The following CFAP206 variants were observed in gnomAD, a reference collection of about 807,000 sequenced individuals.
CFAP206 encodes cilia and flagella associated protein 206.
Under a neutral mutation model 65.4 loss-of-function variants are expected in CFAP206, and 53 were observed. The ratio of observed to expected loss-of-function variants is 0.81; its 90% CI spans 0.65 to 1.02. The LOEUF is 1.02. Among genes scored for constraint, CFAP206 ranks in the 50% least tolerant of loss-of-function variants. CFAP206 has a pLI of 0.00. For missense variants in CFAP206, 663 were observed against 753.2 expected, an observed-to-expected ratio of 0.88 and a Z score of 1.40; for synonymous variants, 250 against 254.4, an observed-to-expected ratio of 0.98 and a Z score of 0.17.
chr6:87,428,488 ACTGT>A (rs1181342799), intron 8 of CFAP206, 134 bp from the exon 9 acceptor site: 4 of 688,468 alleles, frequency 5.8e-6, no homozygotes, highest in Middle Eastern at 3.6e-4. Context: ...TCTAAAGTCT[ACTGT>A]CTAAGTTCGT....
intron 8 of CFAP206, among the ~76,000 whole-genome samples, chr6:87,427,419 A>G (rs1165618131): frequency 6.6e-6 from 1 of 152,196 alleles, no homozygotes; most frequent in African/African-American, 2.4e-5. Context: ...GATTACAGGC[A>G]TGAGCCACTG....
intron 9 of CFAP206, 25 bp from the exon 10 acceptor site, chr6:87,431,008 C>A: frequency 6.2e-7 from 1 of 1,607,948 alleles, no homozygotes; most frequent in Non-Finnish European, 8.5e-7. Flanking sequence ...TGAATTAAAG[C>A]TTTTCTTCTT....
intron 8 of CFAP206, among the ~76,000 whole-genome samples, chr6:87,427,129 A>ATTTT (rs1372342017): frequency 3.3e-5 from 5 of 152,100 alleles, no homozygotes; most frequent in Admixed American, 2.0e-4. Flanking sequence ...GTGCAGTATT[A>ATTTT]TTTTTATTTA....
intron 10 of CFAP206, among the ~76,000 whole-genome samples, chr6:87,432,248 G>T (rs1292306988): frequency 6.6e-6 from 1 of 151,974 alleles, no homozygotes; most frequent in Non-Finnish European, 1.5e-5. Flanking sequence ...AGGCTAGAGA[G>T]AACACACAAT....
At chr6:87,418,504 A>C in intron 7 of CFAP206, 88 bp downstream of exon 7, 2 of 1,152,250 alleles carry the variant, frequency 1.7e-6, no homozygotes, top group Non-Finnish European at 1.3e-6. Flanking sequence ...GTCACTAATT[A>C]AGGAGAAAAC....
intron 7 of CFAP206, among the ~76,000 whole-genome samples, chr6:87,422,471 G>T (rs867840600): frequency 3.2e-3 from 459 of 144,048 alleles, no homozygotes; most frequent in African/African-American, 0.011. Flanking sequence ...AAAAAAAAAG[G>T]CCGGGTGCGG....
rs139988114 is a variant in CFAP206, at chr6:87,429,179, A to G, written c.1159+355A>G. ...GGGTCAGAGGTTGCAGTGAGCCAAG[A>G]TTGTGCCATTGCACTCTAGCCTGGG... On this transcript the variant is annotated intron_variant, in intron 9 of 12. Transcript: ENST00000369562. 3.0e-3 allele frequency among the ~76,000 whole-genome samples: 451 copies of G among 151,402 alleles called. 2 individuals are homozygous for G. Among genetic ancestry groups the G allele is most frequent in the African/African-American group, 0.011 (436 of 41,268 alleles).
At chr6:87,412,079 T>TC (rs1767744279) in intron 3 of CFAP206, among the ~76,000 whole-genome samples, 1 of 152,040 alleles carries the variant, frequency 6.6e-6, no homozygotes, top group Admixed American at 6.6e-5. Context: ...AGTTTTCCAT[T>TC]CCCCCCAATT....
At position 87,413,860 on chromosome 6, in the gene CFAP206, T is replaced by G; in HGVS notation, c.243T>G (p.Ile81Met). The G allele has an allele frequency of 6.4e-7, 1 of 1,559,506 alleles. No homozygotes were observed. Among genetic ancestry groups the G allele is most frequent in the Non-Finnish European group, 8.6e-7 (1 of 1,161,066 alleles). ...LDTKNPSLDT[I>M]KMQVYFDMNY... Reference sequence around the variant, plus strand: ...CTAAAAATCCATCCCTGGACACTATTAAGATGCAAGTCTACTTCGATATGA... The same window carrying G: ...CTAAAAATCCATCCCTGGACACTATGAAGATGCAAGTCTACTTCGATATGA... Residue 81 changes from isoleucine (I) to methionine (M), a missense_variant, in exon 4 of 13, where the codon ATT becomes ATG. Ile to Met is a conservative substitution (Grantham distance 10). Transcript: ENST00000369562.
chr6:87,463,033 G>A (rs1222117122), intron 12 of CFAP206, among the ~76,000 whole-genome samples: 1 of 152,222 alleles, frequency 6.6e-6, no homozygotes, highest in African/African-American at 2.4e-5. Context: ...GAGGTGGACT[G>A]GGGGTAGGAT....
At chr6:87,462,082 G>A (rs1768759333) in intron 12 of CFAP206, among the ~76,000 whole-genome samples, 1 of 152,194 alleles carries the variant, frequency 6.6e-6, no homozygotes, top group South Asian at 2.1e-4. Flanking sequence ...GCCAAAAAAT[G>A]GAGAAGTTGG....
intron 7 of CFAP206, among the ~76,000 whole-genome samples, chr6:87,420,417 C>T (rs1315012696): frequency 6.6e-6 from 1 of 152,198 alleles, no homozygotes; most frequent in African/African-American, 2.4e-5. Context: ...CATTGGCGTT[C>T]TACTTCTCAC....
Position 87,461,084 on chromosome 6 carries a change from G to A in CFAP206, c.1557G>A (p.Thr519=), listed in dbSNP as rs149608815. 3,120 of 1,593,554 alleles carry A rather than the reference G, an allele frequency of 2.0e-3. 2 individuals are homozygous for A. The highest frequency in any genetic ancestry group is 2.2e-3 in the Non-Finnish European group (2,543 of 1,172,838). The change falls in exon 12 of 13, where the codon ACG becomes ACA. Residue 519 remains threonine (T), a synonymous_variant. Transcript: ENST00000369562. ...CAAAATGTGAAAGTAGCACACAGAC[G>A]AATACACACATACTGCCACCAACGA... ...PITKCESSTQ[T]NTHILPPTIV...
In CFAP206 at chr6:87,413,801, C is replaced by CT; in HGVS notation, c.193-5dup. ...TAACTAGAAGTATTCATGGGACATT[C>CT]TTTTCTAGCTTTGTATGACTCGGCT... On this transcript the variant is annotated splice_polypyrimidine_tract_variant and intron_variant, in intron 3 of 12. Transcript: ENST00000369562. The CT allele has an allele frequency of 1.3e-6, 2 of 1,512,268 alleles. No individual in the cohort carries two copies. Among genetic ancestry groups the CT allele is most frequent in the Non-Finnish European group, 1.8e-6 (2 of 1,114,928 alleles). The allele number at this position is 1,512,268 out of a possible 1,614,324, so 93.7% of individuals were successfully genotyped here.
chr6:87,457,560 G>T (rs1768669689), intron 11 of CFAP206, among the ~76,000 whole-genome samples: 2 of 152,102 alleles, frequency 1.3e-5, no homozygotes, highest in Admixed American at 6.6e-5. Flanking sequence ...AAGAATATAC[G>T]TTGGGGAAAG....
In CFAP206 at chr6:87,408,079, T is replaced by C. The variant is rs1362997552; in HGVS notation, c.-16T>C. 4.1e-6 allele frequency: 4 copies of C among 985,288 alleles called. No homozygotes were observed. Among genetic ancestry groups the C allele is most frequent in the Non-Finnish European group, 4.8e-6 (4 of 829,934 alleles). The allele number at this position is 985,288 out of a possible 1,614,324, so 61.0% of individuals were successfully genotyped here. Reference sequence around the variant, plus strand: ...AGACAGACACGGCTCCTGCTGTCGATTCCGATCCAGGTCAGCCTACTCGGG... The same window carrying C: ...AGACAGACACGGCTCCTGCTGTCGACTCCGATCCAGGTCAGCCTACTCGGG... On this transcript the variant is annotated 5_prime_UTR_variant, in exon 1 of 13. Transcript: ENST00000369562.
rs1206716484 is a variant in CFAP206 at position 87,409,691 on chromosome 6, G to A, written c.-5-144G>A. On this transcript the variant is annotated intron_variant, in intron 1 of 12. Transcript: ENST00000369562. ...TTAAAAATAATGAAAAACAGGAGAGGCCTAGATACTAATAAAAATGCTAAT... is the reference window on the plus strand; with the variant it reads ...TTAAAAATAATGAAAAACAGGAGAGACCTAGATACTAATAAAAATGCTAAT... 1.2e-5 allele frequency: 7 copies of A among 580,324 alleles called. No individual in the cohort carries two copies. The Admixed American group carries it at 1.4e-4, about 11-fold the overall frequency. The allele number at this position is 580,324 out of a possible 1,614,324, so 35.9% of individuals were successfully genotyped here. A position where few individuals can be genotyped will look rare whatever the true frequency, so the allele number is the denominator to read the frequency against.
intron 7 of CFAP206, among the ~76,000 whole-genome samples, chr6:87,422,150 A>C (rs5009694): frequency 0.26 from 40,158 of 152,004 alleles, 5,395 homozygotes; most frequent in African/African-American, 0.3. Flanking sequence ...TAATATTATA[A>C]TTAAAAACTC....
intron 8 of CFAP206, among the ~76,000 whole-genome samples, chr6:87,427,289 C>T (rs1221277343): frequency 6.6e-6 from 1 of 152,186 alleles, no homozygotes; most frequent in African/African-American, 2.4e-5. Flanking sequence ...AGGCGCCCGC[C>T]ACCATGCCCA....
Sources: allele counts gnomAD v4.1 joint callset (sites outside exome capture counted in the v4.1 genomes callset), GRCh38; gene constraint gnomAD v4.1.1; transcripts MANE v1.5; gene names NCBI Gene and HGNC (gene_info 2026-07-23, HGNC 2026-07-21).